The following MIER3 variants were observed in gnomAD, a reference collection of about 807,000 sequenced individuals.
MIER3 encodes MIER family member 3.
Under a neutral mutation model 63.2 loss-of-function variants are expected in MIER3, and 9 were observed. The observed-to-expected ratio is 0.14, with a 90% CI of 0.09 to 0.25. The LOEUF is 0.25. Ranked by LOEUF, MIER3 falls within the 10% of genes least tolerant of loss-of-function variation. The pLI is 1.00. For missense variants in MIER3, 512 were observed against 666.2 expected, an observed-to-expected ratio of 0.77 and a Z score of 2.55; for synonymous variants, 205 against 224.9, an observed-to-expected ratio of 0.91 and a Z score of 0.79.
chr5:56,940,313 C>G (rs2112128030), intron 3 of MIER3, among the ~76,000 whole-genome samples: 1 of 152,272 alleles, frequency 6.6e-6, no homozygotes, highest in African/African-American at 2.4e-5. Context: ...GTTTAGTTTT[C>G]CCTTTAAAAT....
intron 3 of MIER3, among the ~76,000 whole-genome samples, chr5:56,946,118 TG>T (rs1037882848): frequency 1.3e-5 from 2 of 152,184 alleles, no homozygotes; most frequent in Non-Finnish European, 2.9e-5. Context: ...ACTCCACTCC[TG>T]CCTCACAAAG....
chr5:56,931,276 G>C (rs1750257021), intron 8 of MIER3, among the ~76,000 whole-genome samples: 1 of 152,066 alleles, frequency 6.6e-6, no homozygotes, highest in Non-Finnish European at 1.5e-5. Context: ...AATCTGCTTG[G>C]AATTATGAAC....
chr5:56,925,956 A>G (rs1749955647), intron 10 of MIER3, among the ~76,000 whole-genome samples: 1 of 152,094 alleles, frequency 6.6e-6, no homozygotes, highest in Admixed American at 6.6e-5. Flanking sequence ...GGTACAGTCA[A>G]CTGATCTTTA....
intron 10 of MIER3, among the ~76,000 whole-genome samples, chr5:56,924,468 A>G (rs1749860812): frequency 6.6e-6 from 1 of 152,208 alleles, no homozygotes; most frequent in African/African-American, 2.4e-5. Context: ...TTAATTCACA[A>G]AATTATATTT....
At chr5:56,935,821 T>C in intron 5 of MIER3, 70 bp from the exon 6 acceptor site, 1 of 1,162,914 alleles carries the variant, frequency 8.6e-7, no homozygotes. Context: ...GCCTGTTGTA[T>C]TTTACAAAAT....
chr5:56,946,328 G>A (rs761866968), intron 3 of MIER3, among the ~76,000 whole-genome samples: 62 of 152,242 alleles, frequency 4.1e-4, no homozygotes, highest in Non-Finnish European at 8.2e-4. Flanking sequence ...TCTATATACA[G>A]TCCTGGTATA....
chr5:56,949,925 C>T (rs1468677365), intron 2 of MIER3, among the ~76,000 whole-genome samples: 1 of 152,174 alleles, frequency 6.6e-6, no homozygotes, highest in East Asian at 1.9e-4. Context: ...CCTTATGGAC[C>T]TGCTACAGGG....
intron 8 of MIER3, among the ~76,000 whole-genome samples, chr5:56,931,528 TCAA>T (rs1380191784): frequency 4.0e-5 from 6 of 151,862 alleles, no homozygotes; most frequent in Non-Finnish European, 7.4e-5. Flanking sequence ...AAAAATCAAA[TCAA>T]CAGCTGCTTA....
At chr5:56,926,386 A>T (rs1050273015) in intron 10 of MIER3, among the ~76,000 whole-genome samples, 2 of 152,106 alleles carry the variant, frequency 1.3e-5, no homozygotes. Flanking sequence ...ATAACTCCTT[A>T]AACTCAACAA....
chr5:56,952,013 C>T, intron 1 of MIER3, 81 bp downstream of exon 1: 1 of 1,183,694 alleles, frequency 8.4e-7, no homozygotes, highest in South Asian at 2.2e-5. Context: ...GCCCCGGATC[C>T]CCCAGGCTGG....
At position 56,922,015 on chromosome 5, in the gene MIER3, C is replaced by T. The variant is rs189453263; in HGVS notation, c.*1113G>A. ...AACTTAAAAGTGGTAATGTACCATT[C>T]TATTTCAGATAGGAACTCACATTAT... On this transcript the variant is annotated 3_prime_UTR_variant, in exon 13 of 13. Transcript: ENST00000381199. 37 of 152,722 alleles carry T rather than the reference C, an allele frequency of 2.4e-4. No individual in the cohort carries two copies. The highest frequency in any genetic ancestry group is 1.5e-3 in the East Asian group (8 of 5,186). 9.5% of individuals were successfully genotyped at this position (152,722 alleles called of 1,614,324 possible). A position where few individuals can be genotyped will look rare whatever the true frequency, so the allele number is the denominator to read the frequency against.
intron 10 of MIER3, chr5:56,928,286 C>T (rs1394334200): frequency 6.6e-6 from 1 of 152,362 alleles, no homozygotes; most frequent in African/African-American, 2.4e-5. Context: ...AAGCTATCTT[C>T]CAACGTGGCC....
intron 5 of MIER3, among the ~76,000 whole-genome samples, chr5:56,936,248 A>G (rs1477122514): frequency 6.6e-6 from 1 of 152,060 alleles, no homozygotes; most frequent in Non-Finnish European, 1.5e-5. Flanking sequence ...CCTGATAATT[A>G]TTATGGTATA....
chr5:56,951,578 A>G (rs1751032620), intron 1 of MIER3, among the ~76,000 whole-genome samples: 1 of 151,950 alleles, frequency 6.6e-6, no homozygotes, highest in Non-Finnish European at 1.5e-5. Flanking sequence ...CCGCGCCCCC[A>G]GCAAAGTGAA....
intron 7 of MIER3, 63 bp from the exon 8 acceptor site, chr5:56,933,461 C>T (rs832529): frequency 0.6 from 852,460 of 1,428,914 alleles, 265,900 homozygotes; most frequent in Non-Finnish European, 0.65. Flanking sequence ...TGTACACAAA[C>T]AATTCTTTGT....
intron 8 of MIER3, among the ~76,000 whole-genome samples, chr5:56,932,998 T>A (rs1303533210): frequency 6.6e-6 from 1 of 152,166 alleles, no homozygotes; most frequent in Non-Finnish European, 1.5e-5. Flanking sequence ...ATTAAAAGGA[T>A]ATAAAATGGC....
chr5:56,933,196 T>C, intron 8 of MIER3, 51 bp downstream of exon 8: 1 of 1,483,502 alleles, frequency 6.7e-7, no homozygotes, highest in Non-Finnish European at 9.0e-7. Flanking sequence ...ATATAAGAAA[T>C]CAAGAAGATA....
chr5:56,950,583 A>G (rs765052347), intron 2 of MIER3, 45 bp downstream of exon 2: 10 of 1,607,286 alleles, frequency 6.2e-6, no homozygotes, highest in Non-Finnish European at 6.8e-6. Flanking sequence ...TTGAGCCCAC[A>G]TTACCCACTG....
intron 7 of MIER3, among the ~76,000 whole-genome samples, chr5:56,934,618 A>C (rs1750378036): frequency 6.6e-6 from 1 of 152,174 alleles, no homozygotes; most frequent in Admixed American, 6.5e-5. Context: ...AACACTTTGA[A>C]AGCAGTTTAG....
Sources: allele counts gnomAD v4.1 joint callset (sites outside exome capture counted in the v4.1 genomes callset), GRCh38; gene constraint gnomAD v4.1.1; transcripts MANE v1.5; gene names NCBI Gene and HGNC (gene_info 2026-07-23, HGNC 2026-07-21).